The following NBEA variants were observed in gnomAD, a reference collection of about 807,000 sequenced individuals.
NBEA encodes the protein lysosomal-trafficking regulator 2.
In NBEA, 44 loss-of-function variants were observed where a neutral mutation model predicts 343.4. The observed-to-expected ratio is 0.13, with a 90% CI of 0.10 to 0.16. NBEA has a LOEUF of 0.16. NBEA is among the 10% of genes least tolerant of loss of function. The probability of loss-of-function intolerance (pLI) is 1.00; values close to 1 mark genes in which losing one functional copy is unlikely to be tolerated. For missense variants in NBEA, 2,555 were observed against 3,631.3 expected (o/e 0.70, Z 7.62); for synonymous variants, 1,175 against 1,238.7 (o/e 0.95, Z 1.08).
chr13:35,481,311 G>A (rs1280287124), intron 41 of NBEA, among the ~76,000 whole-genome samples: 1 of 151,876 alleles, frequency 6.6e-6, no homozygotes, highest in African/African-American at 2.4e-5. Flanking sequence ...CAGACTTGAA[G>A]TAATACTGGA....
intron 23 of NBEA, 52 bp from the exon 24 acceptor site, chr13:35,164,304 C>T: frequency 6.8e-7 from 1 of 1,467,464 alleles, no homozygotes; most frequent in Admixed American, 2.4e-5. Flanking sequence ...ATTGTCTAAG[C>T]TTTTCATTTA....
intron 34 of NBEA, among the ~76,000 whole-genome samples, chr13:35,272,828 A>G (rs748155590): frequency 6.6e-6 from 1 of 152,192 alleles, no homozygotes; most frequent in Non-Finnish European, 1.5e-5. Flanking sequence ...TACGTGCCCA[A>G]TATAGGAGCA....
intron 34 of NBEA, among the ~76,000 whole-genome samples, chr13:35,269,914 G>A (rs1290240349): frequency 1.3e-5 from 2 of 152,146 alleles, no homozygotes; most frequent in African/African-American, 4.8e-5. Context: ...AACTTAGAAG[G>A]ATAAATTATA....
At position 35,457,460 on chromosome 13, in the gene NBEA, A is replaced by G. The variant is rs554202941; in HGVS notation, c.6448+5225A>G. On this transcript the variant is annotated intron_variant, in intron 40 of 58. Coordinates refer to ENST00000379939, the MANE Select transcript of NBEA (RefSeq NM_001385012.1). ...CAATTTTCCTGTTCCCTCTTTCGCA[A>G]TCCTGGACAACCGCTAATCTACTTT... is the stretch of plus-strand genomic sequence containing the variant. 3.9e-5 allele frequency among the ~76,000 whole-genome samples: 6 copies of G among 152,280 alleles called. No homozygotes were observed. In the South Asian group the frequency reaches 8.3e-4, roughly 21 times the overall value.
intron 48 of NBEA, among the ~76,000 whole-genome samples, chr13:35,614,016 C>A (rs1258523225): frequency 6.6e-6 from 1 of 152,178 alleles, no homozygotes; most frequent in Non-Finnish European, 1.5e-5. Flanking sequence ...CAACACTTAT[C>A]TTTCATCTTT....
chr13:35,426,268 T>G (rs1265163095), intron 38 of NBEA, among the ~76,000 whole-genome samples: 1 of 152,222 alleles, frequency 6.6e-6, no homozygotes, highest in Non-Finnish European at 1.5e-5. Context: ...TTTGGCATGT[T>G]TTTGCAGTGG....
chr13:35,396,898 A>G (rs2042772448), intron 38 of NBEA, among the ~76,000 whole-genome samples: 1 of 152,084 alleles, frequency 6.6e-6, no homozygotes. Flanking sequence ...ATTACATCAG[A>G]TAGTCCTGTT....
At chr13:35,405,801 A>G (rs181543068) in intron 38 of NBEA, among the ~76,000 whole-genome samples, 85 of 152,262 alleles carry the variant, frequency 5.6e-4, no homozygotes, top group Admixed American at 5.0e-3. Flanking sequence ...TATTCCATAT[A>G]GCAGTAATTA....
intron 1 of NBEA, among the ~76,000 whole-genome samples, chr13:34,980,780 AG>A (rs1293921182): frequency 6.6e-6 from 1 of 152,098 alleles, no homozygotes; most frequent in African/African-American, 2.4e-5. Context: ...TAGTTGAAAA[AG>A]TTTTTCCTCT....
chr13:35,309,631 C>T, intron 36 of NBEA, 39 bp downstream of exon 36: 1 of 1,191,106 alleles, frequency 8.4e-7, no homozygotes, highest in Non-Finnish European at 1.2e-6. Context: ...AGTCAGTGTA[C>T]ATTTTATTCC....
chr13:35,060,229 C>T (rs1217336954), intron 8 of NBEA, among the ~76,000 whole-genome samples: 1 of 151,626 alleles, frequency 6.6e-6, no homozygotes, highest in African/African-American at 2.4e-5. Flanking sequence ...AATATGATTG[C>T]TAATGTTAAA....
chr13:35,098,552 G>A (rs2065454239), intron 11 of NBEA, 147 bp downstream of exon 11: 9 of 534,686 alleles, frequency 1.7e-5, no homozygotes, highest in Admixed American at 3.5e-5. Flanking sequence ...AGATTTAAGT[G>A]TAGACATGGA....
intron 10 of NBEA, among the ~76,000 whole-genome samples, chr13:35,097,540 A>G (rs941069878): frequency 2.0e-4 from 31 of 152,150 alleles, no homozygotes; most frequent in African/African-American, 7.0e-4. Flanking sequence ...GTTGCTGGTT[A>G]AAATCATTAT....
At chr13:35,243,879 C>A (rs1441584288) in intron 34 of NBEA, among the ~76,000 whole-genome samples, 1 of 151,830 alleles carries the variant, frequency 6.6e-6, no homozygotes, top group East Asian at 1.9e-4. Flanking sequence ...ATGACTTGAA[C>A]AACACTATAG....
At chr13:35,594,427 G>A (rs1488390942) in intron 47 of NBEA, among the ~76,000 whole-genome samples, 3 of 152,062 alleles carry the variant, frequency 2.0e-5, no homozygotes, top group African/African-American at 4.8e-5. Context: ...TTTTTCCAAA[G>A]CAGAAAATAA....
chr13:34,984,284 T>G (rs946135558), intron 1 of NBEA, among the ~76,000 whole-genome samples: 1 of 150,606 alleles, frequency 6.6e-6, no homozygotes, highest in Non-Finnish European at 1.5e-5. Context: ...GGGAATCCTT[T>G]TGTTTATTAA....
intron 55 of NBEA, among the ~76,000 whole-genome samples, chr13:35,658,303 A>G (rs908660136): frequency 2.0e-5 from 3 of 152,190 alleles, no homozygotes; most frequent in African/African-American, 7.2e-5. Flanking sequence ...TGTCATCATT[A>G]TGAACCTAAA....
chr13:35,262,247 G>A (rs1320440587), intron 34 of NBEA, among the ~76,000 whole-genome samples: 1 of 152,148 alleles, frequency 6.6e-6, no homozygotes, highest in Non-Finnish European at 1.5e-5. Context: ...CAAAATAGTA[G>A]CCATAGAGGA....
At chr13:35,309,293 A>C (rs2037200339) in intron 35 of NBEA, among the ~76,000 whole-genome samples, 1 of 152,062 alleles carries the variant, frequency 6.6e-6, no homozygotes, top group Non-Finnish European at 1.5e-5. Context: ...CTCACTTTCC[A>C]TCTCAGTTTG....
Sources: allele counts gnomAD v4.1 joint callset (sites outside exome capture counted in the v4.1 genomes callset), GRCh38; gene constraint gnomAD v4.1.1; transcripts MANE v1.5; gene names NCBI Gene and HGNC (gene_info 2026-07-23, HGNC 2026-07-21).